Variants in ZFAT observed in about 807,000 individuals in gnomAD.
ZFAT encodes zinc finger and AT-hook domain containing.
ZFAT carries 64 observed loss-of-function variants against 117.7 expected under a neutral mutation model. That is an observed-to-expected ratio of 0.54 (90% CI 0.44 to 0.67). ZFAT has a LOEUF of 0.67. Among genes scored for constraint, ZFAT ranks in the 30% least tolerant of loss-of-function variants. The pLI is 0.00. For missense variants in ZFAT, 1,433 were observed against 1,584.5 expected, an observed-to-expected ratio of 0.90 and a Z score of 1.62; for synonymous variants, 679 against 615.0, an observed-to-expected ratio of 1.10 and a Z score of -1.54.
chr8:134,803,933 T>C, the ZFAT span, among the ~76,000 whole-genome samples: 2 of 152,316 alleles, frequency 1.3e-5, no homozygotes, highest in Admixed American at 1.3e-4. Flanking sequence ...TAACATAGTA[T>C]GTTTAGCAGT....
In ZFAT at chr8:134,553,261, T is replaced by C. The variant is rs150944073; in HGVS notation, c.2976+12072A>G. On this transcript the variant is annotated intron_variant, in intron 11 of 15. Transcript: ENST00000377838. Reference sequence around the variant, plus strand: ...TGACTCATGCCTGTAATCCCAACACTTTGGGAGGCCGAGGCAGGTGGATCA... The same window carrying C: ...TGACTCATGCCTGTAATCCCAACACCTTGGGAGGCCGAGGCAGGTGGATCA... Among the ~76,000 whole-genome samples, 1,109 of 152,168 alleles carry C rather than the reference T, an allele frequency of 7.3e-3. 18 individuals are homozygous for C. The highest frequency in any genetic ancestry group is 0.025 in the African/African-American group (1,055 of 41,508).
chr8:134,547,891 C>T (rs1822818864), intron 11 of ZFAT, among the ~76,000 whole-genome samples: 2 of 152,188 alleles, frequency 1.3e-5, no homozygotes. Context: ...TGAGCACCTC[C>T]TTTCTAAAGC....
rs569173585 is a variant in ZFAT at position 134,620,061 on chromosome 8, T to C, written c.449-9406A>G. ...CAAATGGCAAAGTGTAATACTGTGTTAAGGTGCTGGAGAGAACAGAGGGGC... is the reference window on the plus strand; with the variant it reads ...CAAATGGCAAAGTGTAATACTGTGTCAAGGTGCTGGAGAGAACAGAGGGGC... On this transcript the variant is annotated intron_variant, in intron 3 of 15. Coordinates refer to ENST00000377838, the MANE Select transcript of ZFAT (RefSeq NM_020863.4). Among the ~76,000 whole-genome samples the C allele has an allele frequency of 8.5e-5, 13 of 152,302 alleles. 1 individual carries two copies. The highest frequency in any genetic ancestry group is 3.4e-3 in the Middle Eastern group (1 of 294).
chr8:134,827,884 T>C, the ZFAT span, among the ~76,000 whole-genome samples: 5 of 152,234 alleles, frequency 3.3e-5, no homozygotes, highest in African/African-American at 1.2e-4. Flanking sequence ...AAAAATTAAG[T>C]GACATTTTAA....
chr8:134,569,136 G>C (rs1014097076), intron 10 of ZFAT, among the ~76,000 whole-genome samples: 7 of 152,184 alleles, frequency 4.6e-5, no homozygotes, highest in African/African-American at 1.7e-4. Context: ...ATCATGAGTT[G>C]CACTGGGGCA....
At chr8:134,738,894 G>A in the ZFAT span, among the ~76,000 whole-genome samples, 1 of 152,178 alleles carries the variant, frequency 6.6e-6, no homozygotes, top group East Asian at 1.9e-4. Context: ...GTAAGACAAG[G>A]CACAGAACCT....
chr8:134,559,660 G>A (rs1469118503), intron 11 of ZFAT, among the ~76,000 whole-genome samples: 1 of 152,214 alleles, frequency 6.6e-6, no homozygotes, highest in African/African-American at 2.4e-5. Flanking sequence ...GTGTGAGAAT[G>A]GCTGTTCCTC....
intron 2 of ZFAT, among the ~76,000 whole-genome samples, chr8:134,649,514 C>A (rs1831111518): frequency 6.6e-6 from 1 of 151,980 alleles, no homozygotes; most frequent in Admixed American, 6.6e-5. Context: ...AGCAAAATTG[C>A]AGGATAAAAT....
At chr8:134,665,910 A>G (rs1469356263) in intron 1 of ZFAT, among the ~76,000 whole-genome samples, 1 of 152,052 alleles carries the variant, frequency 6.6e-6, no homozygotes, top group African/African-American at 2.4e-5. Context: ...CAGAGGAGGG[A>G]GCTGGTATTG....
chr8:134,602,815 G>T lies in ZFAT; in HGVS notation c.904C>A (p.Pro302Thr), dbSNP rs759184164. 1.2e-6 allele frequency: 2 copies of T among 1,614,108 alleles called. No homozygotes were observed. Among genetic ancestry groups the T allele is most frequent in the African/African-American group, 2.7e-5 (2 of 74,946 alleles). The change falls in exon 6 of 16, where the codon CCC becomes ACC. Residue 302 changes from proline (P) to threonine (T), a missense_variant. Transcript: ENST00000377838. The stretch of plus-strand genomic sequence containing the variant: ...ATGGCACTGGCATAGCTGCACTGGG[G>T]GCACTTGTATGGCTTTTCATTGGTG... ...IHTNEKPYKC[P>T]QCSYASAIKA...
chr8:134,681,235 A>C (rs934849374), intron 1 of ZFAT, among the ~76,000 whole-genome samples: 7 of 152,184 alleles, frequency 4.6e-5, no homozygotes, highest in African/African-American at 1.2e-4. Flanking sequence ...AGTACCTTCT[A>C]TACCAGCTGG....
At chr8:134,577,993 C>T (rs780607349) in intron 10 of ZFAT, among the ~76,000 whole-genome samples, 2 of 151,932 alleles carry the variant, frequency 1.3e-5, no homozygotes, top group East Asian at 1.9e-4. Context: ...CAGAGTGACT[C>T]GTCAATAAAG....
At chr8:134,725,856 G>T in the ZFAT span, among the ~76,000 whole-genome samples, 1 of 152,170 alleles carries the variant, frequency 6.6e-6, no homozygotes, top group African/African-American at 2.4e-5. Flanking sequence ...AGGCTGGGTT[G>T]GGAAAGAAGC....
At chr8:134,614,425 A>T (rs1252653456) in intron 3 of ZFAT, among the ~76,000 whole-genome samples, 1 of 152,040 alleles carries the variant, frequency 6.6e-6, no homozygotes, top group Non-Finnish European at 1.5e-5. Flanking sequence ...GGCAGCTCAG[A>T]TTTCCCCTCC....
the ZFAT span, among the ~76,000 whole-genome samples, chr8:134,824,551 C>G: frequency 6.6e-6 from 1 of 152,340 alleles, no homozygotes; most frequent in East Asian, 1.9e-4. Flanking sequence ...CCAGCACACT[C>G]TCAGCAAGAG....
the ZFAT span, among the ~76,000 whole-genome samples, chr8:134,722,746 CG>C: frequency 1.3e-5 from 2 of 152,164 alleles, no homozygotes; most frequent in African/African-American, 4.8e-5. Flanking sequence ...ACACTGTCCT[CG>C]ACCTTGAGGG....
chr8:134,712,091 C>T (rs1445682042), intron 1 of ZFAT, among the ~76,000 whole-genome samples: 2 of 152,172 alleles, frequency 1.3e-5, no homozygotes, highest in Non-Finnish European at 2.9e-5. Context: ...ATGAGCCAAG[C>T]CCTATTCTAA....
the ZFAT span, chr8:134,766,285 C>G: frequency 6.6e-6 from 1 of 152,196 alleles, no homozygotes; most frequent in Non-Finnish European, 1.5e-5. Flanking sequence ...TCCTGGACGA[C>G]TAAATGGTCA....
chr8:134,632,584 T>G (rs752374509), intron 3 of ZFAT, among the ~76,000 whole-genome samples: 2 of 152,230 alleles, frequency 1.3e-5, no homozygotes, highest in Non-Finnish European at 2.9e-5. Flanking sequence ...CAGAAGCATT[T>G]TTTTTAAATT....
Sources: allele counts gnomAD v4.1 joint callset (sites outside exome capture counted in the v4.1 genomes callset), GRCh38; gene constraint gnomAD v4.1.1; transcripts MANE v1.5; gene names NCBI Gene and HGNC (gene_info 2026-07-23, HGNC 2026-07-21).